Variants in DOCK9 observed in about 807,000 individuals in gnomAD.
DOCK9 encodes the protein dedicator of cytokinesis 9.
Under a neutral mutation model 263.3 loss-of-function variants are expected in DOCK9, and 89 were observed. The observed-to-expected ratio is 0.34, with a 90% CI of 0.28 to 0.40. The LOEUF (loss-of-function observed/expected upper bound fraction) is 0.40, where lower values mean the gene tolerates loss of function less well. DOCK9 is among the 10% of genes least tolerant of loss of function. The pLI is 1.00. For synonymous variants in DOCK9, 976 were observed against 973.1 expected (o/e 1.00, Z -0.06); for missense variants, 2,140 against 2,603.4 (o/e 0.82, Z 3.87).
In DOCK9 at chr13:99,044,967, C is replaced by T. The variant is rs1028655014; in HGVS notation, c.129+41256G>A. Reference sequence around the variant, plus strand: ...CCCATAGACATATTCACCCACAAACCATTCAGTGGTACCCAAGTCGACAGA... The same window carrying T: ...CCCATAGACATATTCACCCACAAACTATTCAGTGGTACCCAAGTCGACAGA... On this transcript the variant is annotated intron_variant, in intron 1 of 32. Transcript: ENST00000427887. 3.3e-5 allele frequency among the ~76,000 whole-genome samples: 5 copies of T among 152,302 alleles called. No individual in the cohort carries two copies. In the East Asian group the frequency reaches 9.7e-4, roughly 29 times the overall value.
chr13:98,956,583 C>T (rs568840926), intron 1 of DOCK9, among the ~76,000 whole-genome samples: 1 of 151,710 alleles, frequency 6.6e-6, no homozygotes, highest in South Asian at 2.1e-4. Context: ...CCTGTCACTA[C>T]AAAAAGTATA....
At chr13:99,061,401 A>C (rs932132728) in intron 1 of DOCK9, among the ~76,000 whole-genome samples, 6 of 152,228 alleles carry the variant, frequency 3.9e-5, no homozygotes, top group Admixed American at 3.9e-4. Context: ...CCTCACTGAT[A>C]GAAATCTGCC....
chr13:98,951,640 T>TG (rs1374699193), intron 2 of DOCK9, among the ~76,000 whole-genome samples: 5 of 152,082 alleles, frequency 3.3e-5, no homozygotes, highest in African/African-American at 1.2e-4. Context: ...ATTGAGACAG[T>TG]GGGGGGAAAA....
intron 1 of DOCK9, among the ~76,000 whole-genome samples, chr13:99,036,881 C>T (rs1214786719): frequency 2.6e-5 from 4 of 152,024 alleles, no homozygotes; most frequent in Non-Finnish European, 4.4e-5. Flanking sequence ...ACACTAACAC[C>T]GAAACAACTA....
At chr13:98,995,177 A>G (rs1303914794) in intron 1 of DOCK9, among the ~76,000 whole-genome samples, 1 of 152,250 alleles carries the variant, frequency 6.6e-6, no homozygotes, top group African/African-American at 2.4e-5. Context: ...TCCCGAGGAA[A>G]TCTTTGTTTG....
chr13:98,952,088 G>A (rs1467018562), intron 2 of DOCK9, among the ~76,000 whole-genome samples: 1 of 151,698 alleles, frequency 6.6e-6, no homozygotes, highest in African/African-American at 2.4e-5. Context: ...AGTAGAGACG[G>A]GGTTTTGCCA....
chr13:98,882,151 T>A, intron 23 of DOCK9, 144 bp from the exon 24 acceptor site: 1 of 700,052 alleles, frequency 1.4e-6, no homozygotes, highest in South Asian at 1.8e-5. Context: ...CCCAGAGGCG[T>A]CTGTGTCTTA....
intron 1 of DOCK9, among the ~76,000 whole-genome samples, chr13:98,968,159 A>G (rs1174779074): frequency 2.0e-5 from 3 of 152,240 alleles, no homozygotes; most frequent in Non-Finnish European, 4.4e-5. Context: ...CTGTAGGCAT[A>G]AAACAGACAC....
At chr13:98,958,065 G>GTGA (rs2141037953) in intron 1 of DOCK9, among the ~76,000 whole-genome samples, 1 of 152,324 alleles carries the variant, frequency 6.6e-6, no homozygotes, top group East Asian at 1.9e-4. Context: ...TGTGAGCCCT[G>GTGA]GACAGGGGGT....
chr13:98,928,945 A>T (rs1055846089), intron 3 of DOCK9, among the ~76,000 whole-genome samples: 10 of 152,172 alleles, frequency 6.6e-5, no homozygotes, highest in East Asian at 1.9e-4. Flanking sequence ...ACACTTAAAA[A>T]TTTTTTAATT....
rs1463326500 is a variant in DOCK9, at chr13:98,868,000, G to A, written c.3102C>T (p.Thr1034=). The change falls in exon 29 of 53, where the codon ACC becomes ACT. Residue 1034 remains threonine (T), a synonymous_variant. Transcript: ENST00000682017. ...SLAVFIKRCF[T]FMDRGFVFKQ... ...TGAAGACAAAGCCCCTGTCCATGAA[G>A]GTGAAACATCTCTGTGGAGGAAAAC... The A allele has an allele frequency of 1.2e-6, 2 of 1,613,492 alleles. No individual in the cohort carries two copies. Among genetic ancestry groups the A allele is most frequent in the Non-Finnish European group, 1.7e-6 (2 of 1,179,740 alleles).
chr13:98,935,841 C>T (rs897883888), intron 2 of DOCK9, among the ~76,000 whole-genome samples: 2 of 152,106 alleles, frequency 1.3e-5, no homozygotes, highest in Non-Finnish European at 2.9e-5. Context: ...GAGGGGAGGA[C>T]TACCAGGCTT....
Position 98,993,657 on chromosome 13 carries a change from C to CCTGAGGCAGGAGA in DOCK9, c.130-38107_130-38106insTCTCCTGCCTCAG, listed in dbSNP as rs1351266411. Among the ~76,000 whole-genome samples the CCTGAGGCAGGAGA allele has an allele frequency of 3.9e-5, 6 of 152,274 alleles. No homozygotes were observed. The South Asian group carries it at 1.2e-3, about 32-fold the overall frequency. ...CCTGGAGGCTGAGGCAGGAGAATGG[C>CCTGAGGCAGGAGA]GTGAACCCGGGAGGCGGAGCTTGCA... On this transcript the variant is annotated intron_variant, in intron 1 of 32. Coordinates refer to the DOCK9 transcript ENST00000427887.
intron 13 of DOCK9, among the ~76,000 whole-genome samples, chr13:98,899,573 G>A (rs1442967490): frequency 1.3e-5 from 2 of 152,170 alleles, no homozygotes; most frequent in Non-Finnish European, 2.9e-5. Flanking sequence ...TTGCCTCCCT[G>A]GGTGGGGCGA....
intron 1 of DOCK9, among the ~76,000 whole-genome samples, chr13:98,999,386 A>C (rs1300559947): frequency 6.6e-6 from 1 of 152,148 alleles, no homozygotes; most frequent in Non-Finnish European, 1.5e-5. Flanking sequence ...TTTAACAAGA[A>C]AAGCAAAAAT....
intron 15 of DOCK9, among the ~76,000 whole-genome samples, chr13:98,896,346 T>C (rs1305254819): frequency 6.6e-6 from 1 of 152,186 alleles, no homozygotes; most frequent in Non-Finnish European, 1.5e-5. Flanking sequence ...TTTCAGAACT[T>C]ATTGAGCCTG....
chr13:98,952,099 T>C (rs1469375029), intron 2 of DOCK9, among the ~76,000 whole-genome samples: 1 of 151,284 alleles, frequency 6.6e-6, no homozygotes, highest in Non-Finnish European at 1.5e-5. Context: ...GGTTTTGCCA[T>C]GTTGGCCAGG....
chr13:98,905,497 G>A (rs1044442252), intron 9 of DOCK9, among the ~76,000 whole-genome samples: 7 of 152,182 alleles, frequency 4.6e-5, no homozygotes, highest in South Asian at 4.1e-4. Context: ...GGAGAAAAGC[G>A]CATTCTAGGA....
intron 9 of DOCK9, among the ~76,000 whole-genome samples, chr13:98,911,941 C>T (rs1427550651): frequency 6.6e-6 from 1 of 150,422 alleles, no homozygotes; most frequent in Non-Finnish European, 1.5e-5. Flanking sequence ...ATGATCTCAG[C>T]TCACTGCAAT....
Sources: allele counts gnomAD v4.1 joint callset (sites outside exome capture counted in the v4.1 genomes callset), GRCh38; gene constraint gnomAD v4.1.1; transcripts MANE v1.5; gene names NCBI Gene and HGNC (gene_info 2026-07-23, HGNC 2026-07-21).